Variants in PLEKHG7 observed in about 807,000 individuals in gnomAD.
PLEKHG7 encodes pleckstrin homology and RhoGEF domain containing G7, also known as pleckstrin homology domain-containing family G member 7.
In PLEKHG7, 77 loss-of-function variants were observed where a neutral mutation model predicts 85.2. The ratio of observed to expected loss-of-function variants is 0.90; its 90% CI spans 0.75 to 1.09. The LOEUF is 1.09. PLEKHG7 is among the 50% of genes least tolerant of loss of function. The probability of loss-of-function intolerance (pLI) is 0.00; values close to 1 mark genes in which losing one functional copy is unlikely to be tolerated. For missense variants in PLEKHG7, 777 were observed against 804.3 expected, an observed-to-expected ratio of 0.97 and a Z score of 0.41; for synonymous variants, 301 against 302.4, an observed-to-expected ratio of 1.00 and a Z score of 0.05.
chr12:92,729,534 G>GGTAC (rs1049118347), intron 4 of PLEKHG7, among the ~76,000 whole-genome samples: 2 of 151,642 alleles, frequency 1.3e-5, no homozygotes, highest in African/African-American at 4.9e-5. Flanking sequence ...CAACCAGGGT[G>GGTAC]GTACCATGGG....
In PLEKHG7 at chr12:92,740,925, G is replaced by A. The variant is rs1456660442; in HGVS notation, c.1012G>A (p.Ala338Thr). 6.2e-7 allele frequency: 1 copy of A among 1,611,636 alleles called. No homozygotes were observed. The highest frequency in any genetic ancestry group is 2.2e-5 in the East Asian group (1 of 44,742). Residue 338 changes from alanine to threonine, a missense_variant, in exon 8 of 17, where the codon GCA becomes ACA. By Grantham distance (58) the Ala-to-Thr change is moderately conservative. Transcript: ENST00000344636. ...AGATGTGGATTTATGGAGACTTTTT[G>A]CAAACCTGGAGGAGTTAACTCAGGT... ...LLDVDLWRLF[A>T]NLEELTQTSL...
At chr12:92,749,105 T>G (rs1210250923) in intron 10 of PLEKHG7, among the ~76,000 whole-genome samples, 8 of 152,176 alleles carry the variant, frequency 5.3e-5, no homozygotes, top group African/African-American at 1.9e-4. Flanking sequence ...TAAACAACGT[T>G]CTTGGAGAAC....
At chr12:92,708,966 C>A (rs1227266678) in intron 3 of PLEKHG7, among the ~76,000 whole-genome samples, 1 of 152,008 alleles carries the variant, frequency 6.6e-6, no homozygotes, top group Non-Finnish European at 1.5e-5. Flanking sequence ...CAGATGAGAT[C>A]TAGTTCAGTT....
At chr12:92,741,768 C>G (rs1411715898) in intron 9 of PLEKHG7, among the ~76,000 whole-genome samples, 176 bp downstream of exon 9, 2 of 152,228 alleles carry the variant, frequency 1.3e-5, no homozygotes, top group African/African-American at 4.8e-5. Flanking sequence ...CTTGCAGATT[C>G]TGTTTTCCCA....
rs751543549 is a variant in PLEKHG7, at chr12:92,761,646, GAAAGAAAGA to G, written c.1637-103_1637-95del. The G allele has an allele frequency of 5.3e-4, 557 of 1,044,902 alleles. 4 individuals carry two copies. The highest frequency in any genetic ancestry group is 4.8e-3 in the African/African-American group (262 of 54,800). 64.7% of individuals were successfully genotyped at this position (1,044,902 alleles called of 1,614,324 possible). On this transcript the variant is annotated intron_variant, in intron 13 of 16. Transcript: ENST00000344636. ...AAGAAGAAAGAAAGAAAGAAAGAAA[GAAAGAAAGA>G]AAGAAAGAAAGAAAGAAAGAAAGAA... is the stretch of plus-strand genomic sequence containing the variant.
chr12:92,765,619 A>G (rs953349842), intron 15 of PLEKHG7, among the ~76,000 whole-genome samples: 25 of 150,102 alleles, frequency 1.7e-4, no homozygotes, highest in Non-Finnish European at 2.8e-4. Context: ...ACAAGAGTGA[A>G]ACTCCATCTC....
chr12:92,741,813 G>A (rs1484787063), intron 9 of PLEKHG7, among the ~76,000 whole-genome samples: 1 of 152,218 alleles, frequency 6.6e-6, no homozygotes, highest in Non-Finnish European at 1.5e-5. Flanking sequence ...TATTAACACA[G>A]AAATCTGCAT....
At chr12:92,725,826 A>C (rs1286798073) in intron 3 of PLEKHG7, among the ~76,000 whole-genome samples, 2 of 152,236 alleles carry the variant, frequency 1.3e-5, no homozygotes, top group Admixed American at 6.5e-5. Context: ...AAAACCTAAA[A>C]GTAGGAAAAG....
intron 3 of PLEKHG7, among the ~76,000 whole-genome samples, chr12:92,713,418 A>C (rs1203172516): frequency 6.6e-6 from 1 of 152,204 alleles, no homozygotes; most frequent in Non-Finnish European, 1.5e-5. Context: ...GAGTCAGTCT[A>C]TTCTGATTGC....
At chr12:92,704,846 C>T (rs543331114) in intron 1 of PLEKHG7, among the ~76,000 whole-genome samples, 34 of 152,250 alleles carry the variant, frequency 2.2e-4, no homozygotes, top group South Asian at 8.3e-4. Flanking sequence ...CCAAAGTGCT[C>T]GGATTACAGG....
intron 15 of PLEKHG7, among the ~76,000 whole-genome samples, chr12:92,767,735 T>G (rs1032621245): frequency 2.0e-5 from 3 of 152,190 alleles, no homozygotes; most frequent in Non-Finnish European, 4.4e-5. Flanking sequence ...GCCCCTCAGA[T>G]AAGCCTGAGT....
At chr12:92,736,794 G>C (rs749263173) in intron 6 of PLEKHG7, among the ~76,000 whole-genome samples, 2 of 152,200 alleles carry the variant, frequency 1.3e-5, no homozygotes, top group Admixed American at 1.3e-4. Context: ...GGTAACAAAT[G>C]TGAGAGCACT....
At position 92,704,588 on chromosome 12, in the gene PLEKHG7, C is replaced by T. The variant is rs74864610; in HGVS notation, c.-162+1456C>T. Among the ~76,000 whole-genome samples the T allele has an allele frequency of 2.2e-3, 339 of 152,312 alleles. 1 individual carries two copies. Among genetic ancestry groups the T allele is most frequent in the African/African-American group, 7.6e-3 (314 of 41,564 alleles). On this transcript the variant is annotated intron_variant, in intron 1 of 16. Transcript: ENST00000344636. ...TAGTTCTACATGTGAAGTTCTATAA[C>T]AATTGAGTCCTCAGCTCAAAATAAA...
In PLEKHG7 at chr12:92,708,700, C is replaced by A. The variant is rs137914963; in HGVS notation, c.530+1028C>A. 3.9e-3 allele frequency among the ~76,000 whole-genome samples: 601 copies of A among 152,228 alleles called. 2 individuals carry two copies. The highest frequency in any genetic ancestry group is 0.014 in the African/African-American group (582 of 41,526). ...GTCCATGGGATCAATTAAGCAGATTCTTTATACAGTGAAGGGAGAGGTTCA... is the reference window on the plus strand; with the variant it reads ...GTCCATGGGATCAATTAAGCAGATTATTTATACAGTGAAGGGAGAGGTTCA... On this transcript the variant is annotated intron_variant, in intron 3 of 16. Coordinates refer to ENST00000344636, the MANE Select transcript of PLEKHG7 (RefSeq NM_001377329.1).
intron 3 of PLEKHG7, among the ~76,000 whole-genome samples, chr12:92,725,725 T>G (rs1373234461): frequency 6.6e-6 from 1 of 152,210 alleles, no homozygotes; most frequent in East Asian, 1.9e-4. Context: ...TAACCACTAA[T>G]TATAAATTCC....
chr12:92,761,653 AGAAAGAAAGAAAGAAAGAAAGAAAG>A, intron 13 of PLEKHG7, 74 bp from the exon 14 acceptor site: 1 of 1,191,140 alleles, frequency 8.4e-7, no homozygotes, highest in Non-Finnish European at 1.1e-6. Flanking sequence ...AAAGAAAGAA[AGAAAGAAAGAAAGAAAGAAAGAAAG>A]AAAGAAAGGG....
At chr12:92,765,930 A>G (rs144997928) in intron 15 of PLEKHG7, among the ~76,000 whole-genome samples, 2,087 of 152,306 alleles carry the variant, frequency 0.014, 42 homozygotes, top group African/African-American at 0.048. Context: ...CATTCTTTCT[A>G]TTTTCAGTAA....
At chr12:92,733,318 G>A (rs1218490839) in intron 5 of PLEKHG7, among the ~76,000 whole-genome samples, 2 of 152,104 alleles carry the variant, frequency 1.3e-5, no homozygotes, top group Non-Finnish European at 2.9e-5. Flanking sequence ...ACACACAGAC[G>A]CTCAGTCAAT....
intron 3 of PLEKHG7, among the ~76,000 whole-genome samples, chr12:92,727,269 A>G (rs1871843508): frequency 6.6e-6 from 1 of 152,096 alleles, no homozygotes; most frequent in Non-Finnish European, 1.5e-5. Context: ...CTTTTTAAAA[A>G]CTTATTTTAA....
Sources: allele counts gnomAD v4.1 joint callset (sites outside exome capture counted in the v4.1 genomes callset), GRCh38; gene constraint gnomAD v4.1.1; transcripts MANE v1.5; gene names NCBI Gene and HGNC (gene_info 2026-07-23, HGNC 2026-07-21).